The following PLPP5 variants were observed in gnomAD, a reference collection of about 807,000 sequenced individuals.
PLPP5 encodes diacylglycerol pyrophosphate like 1.
PLPP5 carries 29 observed loss-of-function variants against 23.6 expected under a neutral mutation model. The observed-to-expected ratio is 1.23, with a 90% CI of 0.92 to 1.68. The LOEUF is 1.68. PLPP5 is among the 40% of genes most tolerant of loss of function. PLPP5 has a pLI of 0.00. For synonymous variants in PLPP5, 143 were observed against 131.3 expected (o/e 1.09, Z -0.61); for missense variants, 315 against 332.1 (o/e 0.95, Z 0.40).
rs748551084 is a variant in PLPP5, at chr8:38,267,326, G to A, written c.404C>T (p.Thr135Ile). The A allele has an allele frequency of 6.2e-7, 1 of 1,613,978 alleles. No individual in the cohort carries two copies. The highest frequency in any genetic ancestry group is 8.5e-7 in the Non-Finnish European group (1 of 1,179,860). Residue 135 changes from threonine (T) to isoleucine (I), a missense_variant, in exon 5 of 7, where the codon ACA becomes ATA. Thr to Ile is a moderately conservative substitution (Grantham distance 89). Coordinates refer to ENST00000424479, the MANE Select transcript of PLPP5 (RefSeq NM_001102559.2). ...CTCATTCACCACGTCCTTATCCCCT[G>A]TACACATCAAGTCAGAATGGGCTAG... is the stretch of plus-strand genomic sequence containing the variant. ...DGLAHSDLMC[T>I]GDKDVVNEGR...
At chr8:38,266,461 C>T in intron 5 of PLPP5, 150 bp from the exon 6 acceptor site, 1 of 728,632 alleles carries the variant, frequency 1.4e-6, no homozygotes, top group Non-Finnish European at 2.2e-6. Context: ...AGTGCAGTGG[C>T]ACCATCTCGG....
chr8:38,264,761 T>A, intron 6 of PLPP5, 157 bp from the exon 7 acceptor site: 1 of 1,457,036 alleles, frequency 6.9e-7, no homozygotes, highest in East Asian at 2.5e-5. Flanking sequence ...ATCTTTTTAT[T>A]CTCAATTTTA....
In PLPP5 at chr8:38,266,031, C is replaced by G. The variant is rs1198298442; in HGVS notation, c.634+110G>C. 2.4e-5 allele frequency: 23 copies of G among 965,734 alleles called. No homozygotes were observed. The East Asian group carries it at 5.9e-4, about 25-fold the overall frequency. The allele number at this position is 965,734 out of a possible 1,614,324, so 59.8% of individuals were successfully genotyped here. A position where few individuals can be genotyped will look rare whatever the true frequency, so the allele number is the denominator to read the frequency against. On this transcript the variant is annotated intron_variant, in intron 6 of 6. Transcript: ENST00000424479. Reference sequence around the variant, plus strand: ...GTACAGAACCCAGACCATCCATACTCATTAATTTGTTCATTCAGCAGATAT... The same window carrying G: ...GTACAGAACCCAGACCATCCATACTGATTAATTTGTTCATTCAGCAGATAT...
At position 38,263,254 on chromosome 8, in the gene PLPP5, A is replaced by G. The variant is rs1807175751; in HGVS notation, c.*1190T>C. On this transcript the variant is annotated 3_prime_UTR_variant, in exon 7 of 7. Coordinates refer to ENST00000424479, the MANE Select transcript of PLPP5 (RefSeq NM_001102559.2). ...AAAGAGAAAGGGAGCTGTAGGTCCT[A>G]TGGCATCCATTCTGATGACATCCCA... 6.5e-6 allele frequency: 2 copies of G among 306,748 alleles called. No individual in the cohort carries two copies. Among genetic ancestry groups the G allele is most frequent in the Non-Finnish European group, 9.5e-6 (2 of 209,610 alleles). The allele number at this position is 306,748 out of a possible 1,614,324, so 19.0% of individuals were successfully genotyped here.
At chr8:38,267,190 C>T (rs1268897630) in intron 5 of PLPP5, 77 bp downstream of exon 5, 1 of 1,611,192 alleles carries the variant, frequency 6.2e-7, no homozygotes, top group South Asian at 1.1e-5. Flanking sequence ...TCAGATTTTC[C>T]CATCCCTACT....
chr8:38,265,080 A>T, intron 6 of PLPP5: 3 of 683,364 alleles, frequency 4.4e-6, no homozygotes, highest in Non-Finnish European at 7.9e-6. Context: ...CAGCCTGACC[A>T]ACAAGTGAAA....
Position 38,267,906 on chromosome 8 carries a change from A to T in PLPP5, c.329T>A (p.Ile110Asn). 1 of 1,613,952 alleles carries T rather than the reference A, an allele frequency of 6.2e-7. No individual in the cohort carries two copies. Among genetic ancestry groups the T allele is most frequent in the Non-Finnish European group, 8.5e-7 (1 of 1,179,878 alleles). Residue 110 changes from isoleucine to asparagine, a missense_variant, in exon 4 of 7, where the codon ATC (isoleucine) becomes AAC (asparagine). By Grantham distance (149) the Ile-to-Asn change is moderately radical. Transcript: ENST00000424479. The stretch of plus-strand genomic sequence containing the variant: ...AGCTGTTGTCACTTACCTCCCTACG[A>T]TCAGTTTTATTGTGTTGGTAAAGAC... ...NGVFTNTIKLIVGRPRPDFFY... is the reference protein window; with the variant it reads ...NGVFTNTIKLNVGRPRPDFFY...
intron 5 of PLPP5, chr8:38,267,011 A>G: frequency 7.3e-7 from 1 of 1,373,456 alleles, no homozygotes; most frequent in Non-Finnish European, 9.4e-7. Flanking sequence ...TTGCTAGTAC[A>G]AGATTGCAGG....
rs1807271001 is a variant in PLPP5 at position 38,264,383 on chromosome 8, T to G, written c.*61A>C. ...CCTGACCTCAGGTGATCCACCCTCC[T>G]CAGCCTCCCAAAGTGTTGGGATTAC... On this transcript the variant is annotated 3_prime_UTR_variant, in exon 7 of 7. Transcript: ENST00000424479. 2.2e-6 allele frequency: 3 copies of G among 1,360,266 alleles called. No homozygotes were observed. Among genetic ancestry groups the G allele is most frequent in the Non-Finnish European group, 3.0e-6 (3 of 1,011,272 alleles). 84.3% of individuals were successfully genotyped at this position (1,360,266 alleles called of 1,614,324 possible). A position where few individuals can be genotyped will look rare whatever the true frequency, so the allele number is the denominator to read the frequency against.
Position 38,269,211 on chromosome 8 carries a change from C to G in PLPP5, c.-12G>C. 1 of 1,495,848 alleles carries G rather than the reference C, an allele frequency of 6.7e-7. No homozygotes were observed. Among genetic ancestry groups the G allele is most frequent in the Non-Finnish European group, 8.8e-7 (1 of 1,130,594 alleles). 92.7% of individuals were successfully genotyped at this position (1,495,848 alleles called of 1,614,324 possible). Reference sequence around the variant, plus strand: ...GCCGCCTTCCCCATCCGGCCGCGAGCTCCGAGCGACGCTGCGCTGACGTGG... The same window carrying G: ...GCCGCCTTCCCCATCCGGCCGCGAGGTCCGAGCGACGCTGCGCTGACGTGG... On this transcript the variant is annotated 5_prime_UTR_variant, in exon 1 of 7. Transcript: ENST00000424479.
intron 2 of PLPP5, 54 bp from the exon 3 acceptor site, chr8:38,268,515 C>G: frequency 6.5e-7 from 1 of 1,543,012 alleles, no homozygotes; most frequent in East Asian, 2.4e-5. Context: ...CACACTCGTG[C>G]TCCTACAGGA....
At chr8:38,267,242 G>C (rs1159197966) in intron 5 of PLPP5, 25 bp downstream of exon 5, 7 of 1,613,872 alleles carry the variant, frequency 4.3e-6, no homozygotes, top group Non-Finnish European at 5.9e-6. Context: ...ACAAGCATAG[G>C]GTAGAGTCCA....
intron 4 of PLPP5, 149 bp downstream of exon 4, chr8:38,267,748 G>T: frequency 1.2e-6 from 1 of 812,638 alleles, no homozygotes; most frequent in Non-Finnish European, 1.9e-6. Flanking sequence ...GTATGGGGAA[G>T]GGAGTAAGCG....
At chr8:38,267,702 G>C (rs1807865616) in intron 4 of PLPP5, 195 bp downstream of exon 4, 2 of 655,258 alleles carry the variant, frequency 3.1e-6, no homozygotes, top group Admixed American at 3.0e-5. Context: ...TGCTGTTCAG[G>C]CAGAAAAGAG....
chr8:38,267,135 T>C, intron 5 of PLPP5, 132 bp downstream of exon 5: 2 of 1,547,986 alleles, frequency 1.3e-6, no homozygotes, highest in Non-Finnish European at 1.7e-6. Flanking sequence ...AACTGTGGAG[T>C]TACTAAAGAA....
In PLPP5 at chr8:38,264,397, T is replaced by C. The variant is rs771193298; in HGVS notation, c.*47A>G. 32 of 1,427,174 alleles carry C rather than the reference T, an allele frequency of 2.2e-5. No homozygotes were observed. Among genetic ancestry groups the C allele is most frequent in the Non-Finnish European group, 2.5e-5 (27 of 1,061,558 alleles). The allele number at this position is 1,427,174 out of a possible 1,614,324, so 88.4% of individuals were successfully genotyped here. A position where few individuals can be genotyped will look rare whatever the true frequency, so the allele number is the denominator to read the frequency against. ...ATCCACCCTCCTCAGCCTCCCAAAGTGTTGGGATTACAGGCATGAGCCACC... is the reference window on the plus strand; with the variant it reads ...ATCCACCCTCCTCAGCCTCCCAAAGCGTTGGGATTACAGGCATGAGCCACC... On this transcript the variant is annotated 3_prime_UTR_variant, in exon 7 of 7. Transcript: ENST00000424479.
Position 38,263,197 on chromosome 8 carries a change from A to C in PLPP5, c.*1247T>G, listed in dbSNP as rs1807166908. The C allele has an allele frequency of 1.2e-5, 2 of 162,108 alleles. No individual in the cohort carries two copies. Among genetic ancestry groups the C allele is most frequent in the Admixed American group, 6.5e-5 (1 of 15,296 alleles). The allele number at this position is 162,108 out of a possible 1,614,324, so 10.0% of individuals were successfully genotyped here. A position where few individuals can be genotyped will look rare whatever the true frequency, so the allele number is the denominator to read the frequency against. On this transcript the variant is annotated 3_prime_UTR_variant, in exon 7 of 7. Coordinates refer to ENST00000424479, the MANE Select transcript of PLPP5 (RefSeq NM_001102559.2). ...GAAAATATAGGAACATACACATAAA[A>C]GACAATGTCATATTTAAAGTATAAT...
chr8:38,268,388 C>T lies in PLPP5; in HGVS notation c.257G>A (p.Ser86Asn). 3.2e-6 allele frequency: 5 copies of T among 1,569,736 alleles called. No homozygotes were observed. Among genetic ancestry groups the T allele is most frequent in the South Asian group, 2.3e-5 (2 of 85,184 alleles). ...KFLKKADTRDSRQACLAASLA... is the reference protein window; with the variant it reads ...KFLKKADTRDNRQACLAASLA... The stretch of plus-strand genomic sequence containing the variant: ...GCGCTCACCCAGGCAGGCTTGTCTG[C>T]TGTCTCTTGTGTCTGCCTTCTTGAG... The change falls in exon 3 of 7, where the codon AGC becomes AAC. Residue 86 changes from serine (S) to asparagine (N), a missense_variant. Coordinates refer to ENST00000424479, the MANE Select transcript of PLPP5 (RefSeq NM_001102559.2).
intron 2 of PLPP5, 62 bp downstream of exon 2, chr8:38,268,819 GC>G (rs1487124984): frequency 1.4e-6 from 2 of 1,464,224 alleles, no homozygotes; most frequent in African/African-American, 2.9e-5. Context: ...GGTGGAAAAC[GC>G]ACAGGTGCCC....
Sources: allele counts gnomAD v4.1 joint callset, GRCh38; gene constraint gnomAD v4.1.1; transcripts MANE v1.5; gene names NCBI Gene and HGNC (gene_info 2026-07-23, HGNC 2026-07-21).